PPP6R2: variants seen among roughly 807,000 people sequenced by gnomAD.
PPP6R2 encodes serine/threonine-protein phosphatase 6 regulatory subunit 2.
In PPP6R2, 62 loss-of-function variants were observed where a neutral mutation model predicts 100.2. The observed-to-expected ratio is 0.62, with a 90% CI of 0.50 to 0.76. The LOEUF (loss-of-function observed/expected upper bound fraction) is 0.76. Ranked by LOEUF, PPP6R2 falls within the 30% of genes least tolerant of loss-of-function variation. PPP6R2 has a pLI of 0.00. For missense variants in PPP6R2, 1,142 were observed against 1,276.3 expected, an observed-to-expected ratio of 0.89 and a Z score of 1.60; for synonymous variants, 525 against 514.7, an observed-to-expected ratio of 1.02 and a Z score of -0.27.
At chr22:50,354,776 G>T (rs560844042) in intron 1 of PPP6R2, among the ~76,000 whole-genome samples, 1 of 152,188 alleles carries the variant, frequency 6.6e-6, no homozygotes, top group East Asian at 1.9e-4. Context: ...CTCCAGCCTG[G>T]ATGACAGTGA....
intron 5 of PPP6R2, 68 bp from the exon 6 acceptor site, chr22:50,416,024 G>A: frequency 6.9e-7 from 1 of 1,444,532 alleles, no homozygotes; most frequent in Non-Finnish European, 9.7e-7. Context: ...CTGCACCAAA[G>A]GGGAAAGGTT....
At chr22:50,380,783 A>T (rs113502808) in intron 2 of PPP6R2, among the ~76,000 whole-genome samples, 2 of 149,738 alleles carry the variant, frequency 1.3e-5, no homozygotes, top group Non-Finnish European at 3.0e-5. Flanking sequence ...AGGTCAGGAG[A>T]TCGAGACCAT....
chr22:50,402,549 C>A (rs12162986), intron 3 of PPP6R2, among the ~76,000 whole-genome samples: 15,476 of 152,146 alleles, frequency 0.1, 1,255 homozygotes, highest in East Asian at 0.42. Flanking sequence ...AGTTGATGCC[C>A]CTTCTGTGGG....
Position 50,438,724 on chromosome 22 carries a change from G to T in PPP6R2, c.2090G>T (p.Gly697Val), listed in dbSNP as rs759414964. The stretch of plus-strand genomic sequence containing the variant: ...GGGGCAGGTGCCCCACCGGCCCCCG[G>T]GAAGAAGGAAGCGCCCCCTGTGGAG... ...APGAGAPPAP[G>V]KKEAPPVEGD... The change falls in exon 19 of 24, where the codon GGG becomes GTG. Residue 697 changes from glycine to valine, a missense_variant. Physicochemically the swap from Gly to Val is moderately radical, Grantham distance 109. Transcript: ENST00000612753. The T allele has an allele frequency of 2.5e-6, 4 of 1,610,584 alleles. No individual in the cohort carries two copies. The African/African-American group carries it at 4.0e-5, about 16-fold the overall frequency.
rs1038613129 is a variant in PPP6R2, at chr22:50,444,431, CCT to C, written c.*188_*189del. ...CTTGCGTCTCTTCTGCCTGAGTGGG[CCT>C]CTCAGGTCACTCGTGCCCTGCTGGA... On this transcript the variant is annotated 3_prime_UTR_variant, in exon 24 of 24. Coordinates refer to ENST00000612753, the MANE Select transcript of PPP6R2 (RefSeq NM_001242898.2). The C allele has an allele frequency of 1.4e-5, 11 of 759,960 alleles. No homozygotes were observed. The highest frequency in any genetic ancestry group is 3.6e-5 in the African/African-American group (2 of 56,056). 47.1% of individuals were successfully genotyped at this position (759,960 alleles called of 1,614,324 possible).
At chr22:50,340,600 G>GGTGTGTGGTGTGTGTGGTGTGTGGT (rs1555946589), upstream of PPP6R2, among the ~76,000 whole-genome samples, 1 of 147,394 alleles carries the variant, frequency 6.8e-6, no homozygotes, top group African/African-American at 2.6e-5. Context: ...GTGTGTGTGT[G>GGTGTGTGGTGTGTGTGGTGTGTGGT]GTGTGTGGTG....
chr22:50,430,724 A>C (rs2062968860), intron 10 of PPP6R2, among the ~76,000 whole-genome samples: 1 of 152,042 alleles, frequency 6.6e-6, no homozygotes, highest in South Asian at 2.1e-4. Context: ...AAATACAAAA[A>C]TTAGCTGGGC....
chr22:50,337,911 AGTGT>A, the PPP6R2 span, among the ~76,000 whole-genome samples: 3 of 61,666 alleles, frequency 4.9e-5, no homozygotes, highest in African/African-American at 6.6e-5. Context: ...TGTGTGGTGT[AGTGT>A]GTGTGGTGTG....
chr22:50,425,033 T>A (rs189343232), intron 10 of PPP6R2, among the ~76,000 whole-genome samples: 130 of 152,356 alleles, frequency 8.5e-4, no homozygotes, highest in Admixed American at 3.7e-3. Flanking sequence ...TTGGCTGTTT[T>A]AACTATTTTA....
intron 1 of PPP6R2, among the ~76,000 whole-genome samples, chr22:50,347,470 G>C (rs1482919278): frequency 1.3e-5 from 2 of 151,780 alleles, no homozygotes; most frequent in Non-Finnish European, 2.9e-5. Flanking sequence ...GCACTGCCCT[G>C]TTGCTTCCAT....
At chr22:50,436,331 T>C (rs1158608529) in intron 13 of PPP6R2, 36 bp from the exon 14 acceptor site, 10 of 1,544,764 alleles carry the variant, frequency 6.5e-6, no homozygotes, top group Non-Finnish European at 7.9e-6. Context: ...CTGCACGGGG[T>C]CTCCCAGGGC....
At chr22:50,337,929 GGTGTGTGCATGT>G in the PPP6R2 span, among the ~76,000 whole-genome samples, 1 of 139,546 alleles carries the variant, frequency 7.2e-6, no homozygotes, top group Admixed American at 7.2e-5. Context: ...TGGTGTGTGG[GGTGTGTGCATGT>G]GTGTGTGATG....
chr22:50,356,199 C>T (rs2046532522), intron 1 of PPP6R2, among the ~76,000 whole-genome samples: 1 of 151,432 alleles, frequency 6.6e-6, no homozygotes, highest in African/African-American at 2.4e-5. Flanking sequence ...CTCCTGACCT[C>T]GTGATCTGCC....
chr22:50,356,769 T>C (rs1246179034), intron 1 of PPP6R2, among the ~76,000 whole-genome samples: 4 of 151,710 alleles, frequency 2.6e-5, no homozygotes, highest in African/African-American at 9.7e-5. Context: ...ACCCCGTCTC[T>C]ACAAAAAATA....
chr22:50,339,320 A>AGT (rs200046677), upstream of PPP6R2, among the ~76,000 whole-genome samples: 48,877 of 90,638 alleles, frequency 0.54, 10,606 homozygotes, highest in African/African-American at 0.69. Flanking sequence ...TTGTGGGTGT[A>AGT]GTGTGTGTGG....
chr22:50,401,413 T>C (rs1404205806), intron 3 of PPP6R2, among the ~76,000 whole-genome samples: 5 of 151,580 alleles, frequency 3.3e-5, no homozygotes, highest in African/African-American at 4.8e-5. Context: ...TTCACCGTGT[T>C]AGCCAGGATG....
At chr22:50,385,798 G>A (rs2054114100) in intron 2 of PPP6R2, among the ~76,000 whole-genome samples, 1 of 141,344 alleles carries the variant, frequency 7.1e-6, no homozygotes, top group African/African-American at 2.7e-5. Flanking sequence ...TTACAGGCAT[G>A]AGCCACCGCG....
intron 2 of PPP6R2, among the ~76,000 whole-genome samples, chr22:50,390,654 C>T (rs1051536275): frequency 2.0e-5 from 3 of 150,662 alleles, no homozygotes; most frequent in Admixed American, 6.6e-5. Flanking sequence ...AGTGAAACTC[C>T]GTCTCAAAAA....
Position 50,364,865 on chromosome 22 carries a change from A to G in PPP6R2, c.-147-7155A>G, listed in dbSNP as rs1315914186. On this transcript the variant is annotated intron_variant, in intron 1 of 23. Coordinates refer to ENST00000612753, the MANE Select transcript of PPP6R2 (RefSeq NM_001242898.2). ...TCCCACTTAATGTGTCATCGTGTAG[A>G]GGCTTACAGCAGAAGTACGGTGTAT... is the stretch of plus-strand genomic sequence containing the variant. 4.6e-5 allele frequency among the ~76,000 whole-genome samples: 7 copies of G among 152,246 alleles called. No individual in the cohort carries two copies. The East Asian group carries it at 7.7e-4, about 17-fold the overall frequency.
Sources: gnomAD v4.1 joint callset for allele counts (sites outside exome capture counted in the v4.1 genomes callset) on GRCh38, gnomAD v4.1.1 for gene constraint, MANE v1.5 for transcripts, NCBI Gene and HGNC (gene_info 2026-07-23, HGNC 2026-07-21) for gene names.